The following ARHGAP44 variants were observed in gnomAD, a reference collection of about 807,000 sequenced individuals.
ARHGAP44 encodes the protein rho GTPase-activating protein 44.
In ARHGAP44, 43 loss-of-function variants were observed where a neutral mutation model predicts 106.8. The observed-to-expected ratio is 0.40, with a 90% CI of 0.32 to 0.52. ARHGAP44 has a LOEUF of 0.52. Ranked by LOEUF, ARHGAP44 falls within the 20% of genes least tolerant of loss-of-function variation. The probability of loss-of-function intolerance (pLI) is 0.48; values close to 1 mark genes in which losing one functional copy is unlikely to be tolerated. For synonymous variants in ARHGAP44, 439 were observed against 410.3 expected, an observed-to-expected ratio of 1.07 and a Z score of -0.85; for missense variants, 866 against 1,050.5, an observed-to-expected ratio of 0.82 and a Z score of 2.43.
chr17:12,912,918 A>G (rs539407897), intron 4 of ARHGAP44, among the ~76,000 whole-genome samples: 1 of 152,324 alleles, frequency 6.6e-6, no homozygotes, highest in Admixed American at 6.5e-5. Context: ...CAAGACAGCA[A>G]GATGTGTCCT....
chr17:12,900,743 G>A (rs372190092), intron 3 of ARHGAP44, among the ~76,000 whole-genome samples: 1 of 152,014 alleles, frequency 6.6e-6, no homozygotes, highest in East Asian at 1.9e-4. Flanking sequence ...TGCTCAGACC[G>A]TGTCTTAGTG....
rs1357450666 is a variant in ARHGAP44, at chr17:12,955,455, A to T, written c.1137-412A>T. ...CTTTCCAGAGCACCCAACTGAGGGT[A>T]ACTCCAAGAAACACCACCCCTAGCA... On this transcript the variant is annotated intron_variant, in intron 13 of 20. Transcript: ENST00000379672. Among the ~76,000 whole-genome samples, 5 of 152,174 alleles carry T rather than the reference A, an allele frequency of 3.3e-5. No individual in the cohort carries two copies. The South Asian group carries it at 1.0e-3, about 31-fold the overall frequency.
intron 16 of ARHGAP44, among the ~76,000 whole-genome samples, chr17:12,969,393 AG>A (rs2039471509): frequency 6.6e-6 from 1 of 152,224 alleles, no homozygotes; most frequent in Non-Finnish European, 1.5e-5. Flanking sequence ...GTAAGAGCTA[AG>A]GGCTTTATGG....
At chr17:12,867,130 G>A (rs1025720103) in intron 1 of ARHGAP44, among the ~76,000 whole-genome samples, 5 of 151,024 alleles carry the variant, frequency 3.3e-5, no homozygotes, top group African/African-American at 1.2e-4. Context: ...GATCTAGTAT[G>A]TTCACCTGTC....
In ARHGAP44 at chr17:12,849,594, T is replaced by TTTG. The variant is rs11373135; in HGVS notation, c.54-45346_54-45345insTTG. On this transcript the variant is annotated intron_variant, in intron 1 of 20. Coordinates refer to ENST00000379672, the MANE Select transcript of ARHGAP44 (RefSeq NM_014859.6). ...TTTTTTTTTTTTTTTTTTTTTTTTT[T>TTTG]GCTTGGCTTCAGCGTTTTCACCTTG... Among the ~76,000 whole-genome samples the TTTG allele has an allele frequency of 6.3e-3, 708 of 112,446 alleles. 154 individuals are homozygous for TTTG. Among genetic ancestry groups the TTTG allele is most frequent in the African/African-American group, 0.029 (659 of 22,808 alleles). 73.8% of individuals were successfully genotyped at this position (112,446 alleles called of 152,430 possible).
At chr17:12,824,806 T>G (rs1567633170) in intron 1 of ARHGAP44, among the ~76,000 whole-genome samples, 1 of 151,682 alleles carries the variant, frequency 6.6e-6, no homozygotes, top group Non-Finnish European at 1.5e-5. Context: ...CTTCTGCACT[T>G]CTCTACCTTC....
chr17:12,940,313 A>G (rs1387327223), intron 7 of ARHGAP44, among the ~76,000 whole-genome samples: 1 of 152,230 alleles, frequency 6.6e-6, no homozygotes, highest in East Asian at 1.9e-4. Context: ...GGTTAATGAC[A>G]GAGTCTACAT....
chr17:12,965,277 C>T (rs146342804), intron 16 of ARHGAP44, among the ~76,000 whole-genome samples: 43 of 152,298 alleles, frequency 2.8e-4, no homozygotes, highest in Non-Finnish European at 4.4e-4. Context: ...CACCTACTGT[C>T]ATTACACTTG....
At chr17:12,910,948 C>A (rs2037713399) in intron 4 of ARHGAP44, among the ~76,000 whole-genome samples, 1 of 130,206 alleles carries the variant, frequency 7.7e-6, no homozygotes, top group Non-Finnish European at 1.6e-5. Context: ...AGACTAACCA[C>A]AAAAAGAATA....
intron 20 of ARHGAP44, among the ~76,000 whole-genome samples, chr17:12,989,670 GA>G (rs1277321768): frequency 6.6e-6 from 1 of 152,134 alleles, no homozygotes; most frequent in East Asian, 1.9e-4. Context: ...AGATTCTGGG[GA>G]ATGAAATGCA....
intron 1 of ARHGAP44, among the ~76,000 whole-genome samples, chr17:12,842,805 A>C (rs1020366734): frequency 6.6e-6 from 1 of 152,192 alleles, no homozygotes; most frequent in Non-Finnish European, 1.5e-5. Flanking sequence ...GTGGGAATTA[A>C]TGTGTATTAA....
intron 6 of ARHGAP44, among the ~76,000 whole-genome samples, chr17:12,922,184 T>C (rs1182581930): frequency 6.6e-6 from 1 of 152,228 alleles, no homozygotes; most frequent in Non-Finnish European, 1.5e-5. Context: ...TACTAAATTT[T>C]AGAGCCTGTT....
At chr17:12,899,435 C>A (rs1392265570) in intron 3 of ARHGAP44, among the ~76,000 whole-genome samples, 1 of 152,092 alleles carries the variant, frequency 6.6e-6, no homozygotes, top group East Asian at 1.9e-4. Context: ...CAATTTTTTT[C>A]AGTTTTTCTC....
intron 7 of ARHGAP44, among the ~76,000 whole-genome samples, chr17:12,932,979 C>T (rs1485183382): frequency 6.6e-6 from 1 of 152,130 alleles, no homozygotes; most frequent in African/African-American, 2.4e-5. Context: ...ATTATATGAA[C>T]TTTGAAATGA....
At chr17:12,959,038 A>G (rs2039196455) in intron 16 of ARHGAP44, 141 bp downstream of exon 16, 2 of 1,048,682 alleles carry the variant, frequency 1.9e-6, no homozygotes, top group East Asian at 5.2e-5. Flanking sequence ...ATTAAACTGT[A>G]TCTGCTGTGT....
chr17:12,799,857 G>A (rs1373392709), intron 1 of ARHGAP44, among the ~76,000 whole-genome samples: 3 of 152,154 alleles, frequency 2.0e-5, no homozygotes, highest in Non-Finnish European at 4.4e-5. Context: ...TGGAACTCCT[G>A]ACCTCAGGAG....
rs904198570 is a variant in ARHGAP44 at position 12,886,968 on chromosome 17, TTTTTTTG to T, written c.54-7965_54-7959del. Among the ~76,000 whole-genome samples the T allele has an allele frequency of 1.1e-3, 149 of 131,760 alleles. 3 individuals carry two copies. The South Asian group carries it at 0.035, about 31-fold the overall frequency. The allele number at this position is 131,760 out of a possible 152,430, so 86.4% of individuals were successfully genotyped here. On this transcript the variant is annotated intron_variant, in intron 1 of 20. Coordinates refer to ENST00000379672, the MANE Select transcript of ARHGAP44 (RefSeq NM_014859.6). ...TCTACTCCTAGTTTTCTAAGAGTTT[TTTTTTTG>T]TTTTTTTTTTTTACCATGAATGGGT...
At chr17:12,906,993 AAG>A (rs2037570262) in intron 3 of ARHGAP44, among the ~76,000 whole-genome samples, 1 of 152,018 alleles carries the variant, frequency 6.6e-6, no homozygotes, top group Non-Finnish European at 1.5e-5. Context: ...AGAAGAAGAA[AAG>A]AGAAAAGAAA....
chr17:12,918,974 G>T (rs924290402), intron 5 of ARHGAP44, among the ~76,000 whole-genome samples: 1 of 152,208 alleles, frequency 6.6e-6, no homozygotes, highest in Non-Finnish European at 1.5e-5. Flanking sequence ...TTTAGCTCAG[G>T]AAAGGGCATC....
Sources: gnomAD v4.1 joint callset for allele counts (sites outside exome capture counted in the v4.1 genomes callset) on GRCh38, gnomAD v4.1.1 for gene constraint, MANE v1.5 for transcripts, NCBI Gene and HGNC (gene_info 2026-07-23, HGNC 2026-07-21) for gene names.